The following CHD1L variants were observed in gnomAD, a reference collection of about 807,000 sequenced individuals.
The protein encoded by CHD1L is chromodomain helicase DNA binding protein 1 like.
Under a neutral mutation model 115.9 loss-of-function variants are expected in CHD1L, and 118 were observed. That is an observed-to-expected ratio of 1.02 (90% CI 0.88 to 1.19). The LOEUF is 1.19. Among genes scored for constraint, CHD1L ranks in the 50% most tolerant of loss-of-function variants. CHD1L has a pLI of 0.00. For missense variants in CHD1L, 1,179 were observed against 1,065.3 expected (o/e 1.11, Z -1.49); for synonymous variants, 411 against 387.1 (o/e 1.06, Z -0.72).
chr1:147,221,162 T>C, the CHD1L span, among the ~76,000 whole-genome samples: 1 of 152,094 alleles, frequency 6.6e-6, no homozygotes, highest in Non-Finnish European at 1.5e-5. Flanking sequence ...AGAAATTTCA[T>C]AGCCAAAAAG....
intron 2 of CHD1L, among the ~76,000 whole-genome samples, chr1:147,253,447 C>CT (rs1553937771): frequency 6.6e-6 from 1 of 152,178 alleles, no homozygotes; most frequent in Non-Finnish European, 1.5e-5. Flanking sequence ...AAACTACCTA[C>CT]CACCCTGTAA....
chr1:147,235,086 A>AGTGTGTGT, the CHD1L span, among the ~76,000 whole-genome samples: 1 of 96,494 alleles, frequency 1.0e-5, no homozygotes, highest in Non-Finnish European at 2.0e-5. Context: ...GATATCCCAC[A>AGTGTGTGT]CTGTGTGTGT....
intron 1 of CHD1L, among the ~76,000 whole-genome samples, chr1:147,246,074 C>G (rs11239955): frequency 0.48 from 73,190 of 152,018 alleles, 18,246 homozygotes; most frequent in East Asian, 0.7. Flanking sequence ...ATTCCTTAAC[C>G]CCTGGCAACC....
the CHD1L span, among the ~76,000 whole-genome samples, chr1:147,193,287 T>G: frequency 2.6e-5 from 4 of 152,278 alleles, no homozygotes; most frequent in Admixed American, 2.6e-4. Flanking sequence ...ATTTTCTAGT[T>G]TATTTGTGTA....
At chr1:147,248,856 A>G (rs1339975400) in intron 1 of CHD1L, among the ~76,000 whole-genome samples, 1 of 152,172 alleles carries the variant, frequency 6.6e-6, no homozygotes, top group Non-Finnish European at 1.5e-5. Context: ...TTCCCTGTAT[A>G]TCTATCTTCC....
At chr1:147,206,311 T>G in the CHD1L span, among the ~76,000 whole-genome samples, 1 of 152,166 alleles carries the variant, frequency 6.6e-6, no homozygotes, top group African/African-American at 2.4e-5. Context: ...ACTTTTACAC[T>G]GTTGGTGGGA....
At chr1:147,275,011 C>T (rs1677789943) in intron 12 of CHD1L, among the ~76,000 whole-genome samples, 1 of 152,178 alleles carries the variant, frequency 6.6e-6, no homozygotes, top group Non-Finnish European at 1.5e-5. Flanking sequence ...GTGTCCTTTT[C>T]CTCAGACTAC....
intron 15 of CHD1L, among the ~76,000 whole-genome samples, chr1:147,280,400 C>G (rs1463691137): frequency 6.6e-6 from 1 of 152,184 alleles, no homozygotes; most frequent in Non-Finnish European, 1.5e-5. Context: ...TGTAGCTGAA[C>G]TGTGAACCAA....
Position 147,247,460 on chromosome 1 carries a change from C to A in CHD1L, c.127+4630C>A, listed in dbSNP as rs112326505. 9.4e-3 allele frequency among the ~76,000 whole-genome samples: 1,431 copies of A among 152,250 alleles called. 12 individuals are homozygous for A. Among genetic ancestry groups the A allele is most frequent in the Middle Eastern group, 0.014 (4 of 294 alleles). On this transcript the variant is annotated intron_variant, in intron 1 of 22. Coordinates refer to ENST00000369258, the MANE Select transcript of CHD1L (RefSeq NM_004284.6). ...AGAGCCTGGCATCCCCCACGCCTTT[C>A]TTCCTCTCTCACCATGTGATCTCTG...
intron 12 of CHD1L, among the ~76,000 whole-genome samples, chr1:147,274,643 A>AG (rs1275358509): frequency 1.3e-5 from 2 of 152,120 alleles, no homozygotes; most frequent in African/African-American, 4.8e-5. Context: ...CTGTAACTCA[A>AG]GGTACCTCCT....
At chr1:147,243,033 G>T in intron 1 of CHD1L, 1 of 534,212 alleles carries the variant, frequency 1.9e-6, no homozygotes, top group Non-Finnish European at 2.8e-6. Context: ...GCGCGGGGCC[G>T]GCGGACGCCA....
chr1:147,222,072 T>C, the CHD1L span, among the ~76,000 whole-genome samples: 1 of 152,174 alleles, frequency 6.6e-6, no homozygotes, highest in African/African-American at 2.4e-5. Context: ...GCAGGAAGTC[T>C]GTGTAAGAAA....
At chr1:147,192,286 G>T in the CHD1L span, among the ~76,000 whole-genome samples, 2 of 152,146 alleles carry the variant, frequency 1.3e-5, no homozygotes, top group African/African-American at 4.8e-5. Flanking sequence ...GTGAATGGGA[G>T]TTCACTCATG....
rs75122973 is a variant in CHD1L, at chr1:147,262,399, A to G, written c.577-2023A>G. On this transcript the variant is annotated intron_variant, in intron 6 of 22. Transcript: ENST00000369258. ...AAAAGCTTACAAAATACTATTTACA[A>G]ACAGAGATGGTCTCTGAATCTTTAC... Among the ~76,000 whole-genome samples, 248 of 152,270 alleles carry G rather than the reference A, an allele frequency of 1.6e-3. 2 individuals carry two copies. The East Asian group carries it at 0.042, about 26-fold the overall frequency.
intron 13 of CHD1L, 33 bp downstream of exon 13, chr1:147,275,501 CCAG>C (rs781787896): frequency 3.3e-6 from 5 of 1,528,330 alleles, no homozygotes; most frequent in Middle Eastern, 1.7e-4. Flanking sequence ...CTTGGCTTGC[CCAG>C]CAGCAGTTCT....
chr1:147,257,169 T>G (rs587749834), intron 5 of CHD1L, among the ~76,000 whole-genome samples: 1 of 152,204 alleles, frequency 6.6e-6, no homozygotes, highest in Admixed American at 6.5e-5. Context: ...AGAGTTTAGG[T>G]AAGAAAGATA....
At chr1:147,175,586 C>G in the CHD1L span, 3 of 151,998 alleles carry the variant, frequency 2.0e-5, no homozygotes, top group African/African-American at 7.3e-5. Context: ...ACTGTCTCTC[C>G]CCTGTGCCAC....
intron 14 of CHD1L, among the ~76,000 whole-genome samples, chr1:147,277,641 A>G (rs1431230175): frequency 6.6e-6 from 1 of 152,164 alleles, no homozygotes; most frequent in Non-Finnish European, 1.5e-5. Flanking sequence ...TTAATTAACC[A>G]TAATGGTGCT....
chr1:147,223,180 T>C, the CHD1L span, among the ~76,000 whole-genome samples: 1 of 152,220 alleles, frequency 6.6e-6, no homozygotes, highest in Admixed American at 6.5e-5. Context: ...GACTGCATTC[T>C]TAACCTCCAT....
Sources: allele counts gnomAD v4.1 joint callset (sites outside exome capture counted in the v4.1 genomes callset), GRCh38; gene constraint gnomAD v4.1.1; transcripts MANE v1.5; gene names NCBI Gene and HGNC (gene_info 2026-07-23, HGNC 2026-07-21).